The following TMEM117 variants were observed in gnomAD, a reference collection of about 807,000 sequenced individuals.
The protein encoded by TMEM117 is transmembrane protein 117.
TMEM117 carries 27 observed loss-of-function variants against 52.4 expected under a neutral mutation model. The ratio of observed to expected loss-of-function variants is 0.51; its 90% CI spans 0.38 to 0.71. The LOEUF (loss-of-function observed/expected upper bound fraction) is 0.71. TMEM117 is among the 30% of genes least tolerant of loss of function. The pLI is 0.00. For synonymous variants in TMEM117, 215 were observed against 206.3 expected (o/e 1.04, Z -0.36); for missense variants, 556 against 630.5 (o/e 0.88, Z 1.26).
chr12:44,139,945 A>G (rs1416080792), intron 3 of TMEM117, among the ~76,000 whole-genome samples: 1 of 152,202 alleles, frequency 6.6e-6, no homozygotes, highest in African/African-American at 2.4e-5. Context: ...TGAATGAAAT[A>G]GTAGCTGAAA....
At position 43,984,726 on chromosome 12, in the gene TMEM117, C is replaced by G. The variant is rs540255190; in HGVS notation, c.410+40384C>G. 6.6e-5 allele frequency among the ~76,000 whole-genome samples: 10 copies of G among 151,984 alleles called. No homozygotes were observed. In the South Asian group the frequency reaches 1.9e-3, roughly 28 times the overall value. ...TGTTTGAACCAAAGCATTTATTACT[C>G]AAATATTTAGTCCAAAGAGGTAAAG... On this transcript the variant is annotated intron_variant, in intron 3 of 7. Transcript: ENST00000266534.
At chr12:43,828,843 G>A in the TMEM117 span, among the ~76,000 whole-genome samples, 67 of 151,914 alleles carry the variant, frequency 4.4e-4, no homozygotes, top group African/African-American at 1.4e-3. Context: ...TTTTTTCTTC[G>A]TCTTTCCCTC....
chr12:43,976,705 T>C (rs2897765), intron 3 of TMEM117, among the ~76,000 whole-genome samples: 136,213 of 152,118 alleles, frequency 0.9, 61,737 homozygotes, highest in Non-Finnish European at 0.96. Context: ...TTTTTCCCTA[T>C]AATTTTTATA....
intron 6 of TMEM117, among the ~76,000 whole-genome samples, chr12:44,306,422 A>G (rs958234835): frequency 6.6e-6 from 1 of 152,198 alleles, no homozygotes; most frequent in Non-Finnish European, 1.5e-5. Context: ...GTGTGTGTGT[A>G]ATATCTTAGA....
intron 3 of TMEM117, among the ~76,000 whole-genome samples, chr12:44,107,308 C>T (rs1268142597): frequency 2.0e-5 from 3 of 152,062 alleles, no homozygotes; most frequent in African/African-American, 7.2e-5. Flanking sequence ...AAAATAACTC[C>T]ATGTATATTT....
chr12:44,059,326 C>T (rs1947103922), intron 3 of TMEM117, among the ~76,000 whole-genome samples: 1 of 151,976 alleles, frequency 6.6e-6, no homozygotes, highest in Non-Finnish European at 1.5e-5. Flanking sequence ...TATTAAAATC[C>T]CTTTAAGATT....
intron 5 of TMEM117, among the ~76,000 whole-genome samples, chr12:44,246,554 T>C (rs1044337413): frequency 5.9e-5 from 9 of 152,222 alleles, no homozygotes; most frequent in Admixed American, 1.3e-4. Flanking sequence ...TGCCACTTTC[T>C]CCTGCTACAA....
At chr12:43,897,519 G>A (rs966752868) in intron 2 of TMEM117, among the ~76,000 whole-genome samples, 1 of 151,876 alleles carries the variant, frequency 6.6e-6, no homozygotes, top group African/African-American at 2.4e-5. Context: ...CACCATGTTG[G>A]CCAGGATGGT....
At chr12:43,806,522 C>CG in the TMEM117 span, 13 of 520,312 alleles carry the variant, frequency 2.5e-5, no homozygotes, top group South Asian at 8.9e-5. Flanking sequence ...CCGCTTCTTC[C>CG]GGGGGGGACA....
At chr12:44,350,030 A>G (rs1307519452) in intron 6 of TMEM117, among the ~76,000 whole-genome samples, 3 of 152,000 alleles carry the variant, frequency 2.0e-5, no homozygotes, top group Admixed American at 1.3e-4. Context: ...TTAATGGACT[A>G]TGTTTTCAAT....
intron 5 of TMEM117, among the ~76,000 whole-genome samples, chr12:44,262,987 C>T (rs545224806): frequency 6.6e-6 from 1 of 152,302 alleles, no homozygotes; most frequent in South Asian, 2.1e-4. Flanking sequence ...TTGTTTTAAT[C>T]TGTGCTCTAT....
At chr12:43,802,928 G>A in the TMEM117 span, among the ~76,000 whole-genome samples, 54 of 152,234 alleles carry the variant, frequency 3.5e-4, no homozygotes, top group African/African-American at 1.1e-3. Context: ...TAATGCTACA[G>A]ATTTAAACAT....
chr12:44,125,170 T>G (rs534773584), intron 3 of TMEM117, among the ~76,000 whole-genome samples: 1 of 152,308 alleles, frequency 6.6e-6, no homozygotes, highest in Admixed American at 6.5e-5. Flanking sequence ...AGTGGCGTGA[T>G]CTTGGCTCAC....
chr12:43,850,052 C>G (rs1318272166), intron 2 of TMEM117, among the ~76,000 whole-genome samples: 3 of 152,122 alleles, frequency 2.0e-5, no homozygotes, highest in Non-Finnish European at 4.4e-5. Flanking sequence ...AAACCTATCC[C>G]CAAAGACTGA....
chr12:44,333,201 A>G (rs889317003), intron 6 of TMEM117, among the ~76,000 whole-genome samples: 4 of 152,134 alleles, frequency 2.6e-5, no homozygotes, highest in East Asian at 3.9e-4. Context: ...TTCTTGCTTC[A>G]GAATGCATGG....
intron 4 of TMEM117, among the ~76,000 whole-genome samples, chr12:44,160,270 C>T (rs913693720): frequency 3.9e-5 from 6 of 151,998 alleles, no homozygotes; most frequent in Non-Finnish European, 8.8e-5. Context: ...ATTACATACA[C>T]ATACACATAT....
chr12:44,128,725 G>A lies in TMEM117; in HGVS notation c.411-14800G>A, dbSNP rs547033615. ...AAAGGCCTATGCTTTCAGTATTTGT[G>A]AGGGATTTTATGTATGCCCAGCAGA... is the stretch of plus-strand genomic sequence containing the variant. On this transcript the variant is annotated intron_variant, in intron 3 of 7. Transcript: ENST00000266534. 8.5e-5 allele frequency among the ~76,000 whole-genome samples: 13 copies of A among 152,332 alleles called. No individual in the cohort carries two copies. In the South Asian group the frequency reaches 2.7e-3, roughly 32 times the overall value.
At chr12:43,967,278 C>A (rs1378300816) in intron 3 of TMEM117, among the ~76,000 whole-genome samples, 1 of 152,110 alleles carries the variant, frequency 6.6e-6, no homozygotes, top group African/African-American at 2.4e-5. Flanking sequence ...GCATGTGCCA[C>A]CATGCCCAGC....
intron 4 of TMEM117, among the ~76,000 whole-genome samples, chr12:44,208,725 GTTTT>G (rs5797892): frequency 1.6e-4 from 11 of 68,824 alleles, no homozygotes; most frequent in African/African-American, 2.6e-4. Flanking sequence ...CAGAAAGAAT[GTTTT>G]TTTTTTTTTT....
Sources: gnomAD v4.1 joint callset for allele counts (sites outside exome capture counted in the v4.1 genomes callset) on GRCh38, gnomAD v4.1.1 for gene constraint, MANE v1.5 for transcripts, NCBI Gene and HGNC (gene_info 2026-07-23, HGNC 2026-07-21) for gene names.